USP28: variants seen among roughly 807,000 people sequenced by gnomAD.
USP28 encodes ubiquitin specific peptidase 28, also known as ubiquitin carboxyl-terminal hydrolase 28.
USP28 carries 113 observed loss-of-function variants against 145.0 expected under a neutral mutation model. The observed-to-expected ratio is 0.78, with a 90% confidence interval of 0.67 to 0.91. The LOEUF (loss-of-function observed/expected upper bound fraction) is 0.91. USP28 is among the 40% of genes least tolerant of loss of function. USP28 has a pLI of 0.00. For missense variants in USP28, 1,201 were observed against 1,289.6 expected (o/e 0.93, Z 1.05); for synonymous variants, 447 against 450.9 (o/e 0.99, Z 0.11).
chr11:113,853,186 G>C (rs1371853120), intron 2 of USP28, among the ~76,000 whole-genome samples: 1 of 151,474 alleles, frequency 6.6e-6, no homozygotes, highest in Non-Finnish European at 1.5e-5. Flanking sequence ...TACTAGGGAG[G>C]CTGAGGTGGG....
At chr11:113,824,846 AT>A (rs1262556054) in intron 11 of USP28, among the ~76,000 whole-genome samples, 1 of 150,526 alleles carries the variant, frequency 6.6e-6, no homozygotes, top group Non-Finnish European at 1.5e-5. Context: ...CAGGAGAATC[AT>A]TTGAACCCGG....
chr11:113,835,488 C>A (rs1464210096), intron 5 of USP28, among the ~76,000 whole-genome samples: 1 of 152,220 alleles, frequency 6.6e-6, no homozygotes, highest in African/African-American at 2.4e-5. Flanking sequence ...CACTCTAACA[C>A]AAGCCCTGGC....
At chr11:113,806,559 C>T in exon 19 of USP28, 1 of 1,593,548 alleles carries the variant, frequency 6.3e-7, no homozygotes. Flanking sequence ...CAGGATGACC[C>T]CTTGCATGGC....
exon 4 of USP28, chr11:113,841,706 G>A (rs1591364598): frequency 6.2e-7 from 1 of 1,613,620 alleles, no homozygotes; most frequent in African/African-American, 1.3e-5. Flanking sequence ...GGAGACTCCA[G>A]TAGACTCAAA....
chr11:113,854,189 G>T (rs1223779862), intron 2 of USP28, 69 bp downstream of exon 2: 2 of 1,404,196 alleles, frequency 1.4e-6, no homozygotes, highest in Admixed American at 2.1e-5. Flanking sequence ...GAAATAGCTT[G>T]AACTGACATA....
At chr11:113,867,862 G>A (rs1489309821) in intron 1 of USP28, among the ~76,000 whole-genome samples, 2 of 150,756 alleles carry the variant, frequency 1.3e-5, no homozygotes, top group African/African-American at 2.4e-5. Flanking sequence ...AGGGAGGGAG[G>A]GGACACAAGA....
At chr11:113,836,376 C>T (rs1180359779) in intron 5 of USP28, among the ~76,000 whole-genome samples, 1 of 152,162 alleles carries the variant, frequency 6.6e-6, no homozygotes, top group Non-Finnish European at 1.5e-5. Flanking sequence ...TAATCCAACT[C>T]CCATCGCCGC....
rs534089433 is a variant in USP28 at position 113,858,294 on chromosome 11, T to C, written c.58-3959A>G. On this transcript the variant is annotated intron_variant, in intron 1 of 24. Transcript: ENST00000003302. Reference sequence around the variant, plus strand: ...TCCTCATCTTGTCATTCAAAGACCATTACCTGATCCCCCCTTAGCCTGTTC... The same window carrying C: ...TCCTCATCTTGTCATTCAAAGACCACTACCTGATCCCCCCTTAGCCTGTTC... Among the ~76,000 whole-genome samples, 14 of 152,296 alleles carry C rather than the reference T, an allele frequency of 9.2e-5. No individual in the cohort carries two copies. In the East Asian group the frequency reaches 2.7e-3, roughly 29 times the overall value.
intron 13 of USP28, among the ~76,000 whole-genome samples, chr11:113,816,933 T>A (rs1941829767): frequency 6.6e-6 from 1 of 152,212 alleles, no homozygotes. Flanking sequence ...AAATAAGCAT[T>A]TCTATGCATA....
At position 113,816,526 on chromosome 11, in the gene USP28, A is replaced by T. The variant is rs527315450; in HGVS notation, c.1463+1132T>A. Among the ~76,000 whole-genome samples the T allele has an allele frequency of 2.6e-5, 4 of 152,080 alleles. No individual in the cohort carries two copies. The South Asian group carries it at 8.3e-4, about 32-fold the overall frequency. On this transcript the variant is annotated intron_variant, in intron 13 of 24. Coordinates refer to ENST00000003302, the Ensembl canonical transcript of USP28. Reference sequence around the variant, plus strand: ...GACTCCATCTCAAAAAAACAAACAAACAAACAAACAAAAAAACCTCACTCC... The same window carrying T: ...GACTCCATCTCAAAAAAACAAACAATCAAACAAACAAAAAAACCTCACTCC...
intron 5 of USP28, among the ~76,000 whole-genome samples, chr11:113,836,539 T>G (rs1392135290): frequency 6.6e-6 from 1 of 152,164 alleles, no homozygotes; most frequent in Non-Finnish European, 1.5e-5. Context: ...ACAGCTTTCC[T>G]CACTCTCCCA....
In USP28 at chr11:113,805,097, C is replaced by T. The variant is rs772330028; in HGVS notation, c.2401-51G>A. 3.0e-5 allele frequency: 47 copies of T among 1,563,192 alleles called. No homozygotes were observed. The East Asian group carries it at 1.0e-3, about 34-fold the overall frequency. On this transcript the variant is annotated intron_variant, in intron 19 of 24. Transcript: ENST00000003302. Reference sequence around the variant, plus strand: ...GAAAATAGTGTGCTGTGGGCTTCTGCACACAGAAATTGATGCCTAGGAGCT... The same window carrying T: ...GAAAATAGTGTGCTGTGGGCTTCTGTACACAGAAATTGATGCCTAGGAGCT...
At chr11:113,806,305 G>A (rs1939945476) in intron 19 of USP28, among the ~76,000 whole-genome samples, 184 bp downstream of exon 20, 1 of 152,062 alleles carries the variant, frequency 6.6e-6, no homozygotes, top group Non-Finnish European at 1.5e-5. Flanking sequence ...TGCAATCACA[G>A]TACATTTCAG....
intron 1 of USP28, among the ~76,000 whole-genome samples, chr11:113,872,427 C>T (rs1260843892): frequency 2.0e-5 from 3 of 150,860 alleles, no homozygotes; most frequent in African/African-American, 7.3e-5. Flanking sequence ...GCGGAGCTTG[C>T]AGTGAGCAGA....
At chr11:113,853,234 G>GCAGTGA (rs1946669146) in intron 2 of USP28, among the ~76,000 whole-genome samples, 1 of 144,034 alleles carries the variant, frequency 6.9e-6, no homozygotes, top group Non-Finnish European at 1.5e-5. Flanking sequence ...GGCAGAGGCT[G>GCAGTGA]CAGTGAGCCG....
intron 23 of USP28, 102 bp downstream of exon 24, chr11:113,803,056 A>G: frequency 6.1e-6 from 8 of 1,309,842 alleles, no homozygotes; most frequent in Non-Finnish European, 8.0e-6. Context: ...GAAATCTACA[A>G]CCTGTTGGAG....
chr11:113,834,370 C>A, intron 5 of USP28, 35 bp from the exon 6 acceptor site: 1 of 1,461,594 alleles, frequency 6.8e-7, no homozygotes, highest in Non-Finnish European at 9.4e-7. Context: ...CATAGCCTTT[C>A]CTGAAAATAA....
At chr11:113,813,813 AC>A (rs1391127158) in intron 15 of USP28, 71 bp downstream of exon 15, 11 of 1,225,238 alleles carry the variant, frequency 9.0e-6, no homozygotes, top group African/African-American at 1.5e-5. Flanking sequence ...TTAAAAGAAA[AC>A]TATCAAATTT....
At chr11:113,799,442 T>C (rs1200949319) in intron 24 of USP28, 27 bp from the exon 26 acceptor site, 2 of 1,601,906 alleles carry the variant, frequency 1.2e-6, no homozygotes, top group Non-Finnish European at 1.7e-6. Flanking sequence ...GATGGTTACA[T>C]ATACAGCTAA....
Sources: allele counts gnomAD v4.1 joint callset (sites outside exome capture counted in the v4.1 genomes callset), GRCh38; gene constraint gnomAD v4.1.1; transcripts MANE v1.5; gene names NCBI Gene and HGNC (gene_info 2026-07-23, HGNC 2026-07-21).